The following C12orf56 variants were observed in gnomAD, a reference collection of about 807,000 sequenced individuals.
The protein encoded by C12orf56 is uncharacterized protein C12orf56.
In C12orf56, 71 loss-of-function variants were observed where a neutral mutation model predicts 69.9. That is an observed-to-expected ratio of 1.02 (90% CI 0.84 to 1.24). C12orf56 has a LOEUF of 1.24. C12orf56 is among the 50% of genes most tolerant of loss of function. The probability of loss-of-function intolerance (pLI) is 0.00; values close to 1 mark genes in which losing one functional copy is unlikely to be tolerated. For synonymous variants in C12orf56, 276 were observed against 274.1 expected, an observed-to-expected ratio of 1.01 and a Z score of -0.07; for missense variants, 732 against 738.5, an observed-to-expected ratio of 0.99 and a Z score of 0.10.
chr12:64,330,075 A>C (rs1251794803), intron 3 of C12orf56, among the ~76,000 whole-genome samples: 2 of 152,086 alleles, frequency 1.3e-5, no homozygotes, highest in African/African-American at 4.8e-5. Context: ...TGGTATTTCC[A>C]GTTCTAGATC....
At chr12:64,352,051 G>A (rs2039229999) in intron 2 of C12orf56, among the ~76,000 whole-genome samples, 1 of 151,802 alleles carries the variant, frequency 6.6e-6, no homozygotes, top group African/African-American at 2.4e-5. Flanking sequence ...GAGCCCAGAA[G>A]CCCAACATGC....
intron 1 of C12orf56, among the ~76,000 whole-genome samples, chr12:64,388,099 A>G (rs1229579792): frequency 1.3e-5 from 2 of 152,020 alleles, no homozygotes; most frequent in Non-Finnish European, 2.9e-5. Context: ...CCTCCTGAGC[A>G]GCTGAGATAA....
chr12:64,295,760 C>T (rs1179465755), intron 6 of C12orf56, among the ~76,000 whole-genome samples: 1 of 150,848 alleles, frequency 6.6e-6, no homozygotes, highest in Non-Finnish European at 1.5e-5. Flanking sequence ...AAAAGTATGC[C>T]TCAATAAAGT....
chr12:64,316,783 A>G (rs1005652653), intron 4 of C12orf56, among the ~76,000 whole-genome samples: 4 of 152,236 alleles, frequency 2.6e-5, no homozygotes, highest in African/African-American at 4.8e-5. Flanking sequence ...TAAAAATTAA[A>G]TAAGTTAATA....
At chr12:64,301,572 T>G (rs2038446580) in intron 6 of C12orf56, among the ~76,000 whole-genome samples, 1 of 152,194 alleles carries the variant, frequency 6.6e-6, no homozygotes, top group Non-Finnish European at 1.5e-5. Context: ...CTAATCTTAG[T>G]TATAGATTAA....
At chr12:64,318,353 A>G (rs1367806853) in intron 4 of C12orf56, among the ~76,000 whole-genome samples, 1 of 152,132 alleles carries the variant, frequency 6.6e-6, no homozygotes, top group Non-Finnish European at 1.5e-5. Context: ...ATGAGCCACC[A>G]TGCCCGTCCA....
At chr12:64,296,870 CTTTTT>C (rs71092950) in intron 6 of C12orf56, among the ~76,000 whole-genome samples, 1 of 131,114 alleles carries the variant, frequency 7.6e-6, no homozygotes, top group Non-Finnish European at 1.7e-5. Context: ...CCCTTCCACC[CTTTTT>C]TTTTTTTTTG....
rs550164503 is a variant in C12orf56 at position 64,285,775 on chromosome 12, G to A, written c.1220+179C>T. 2.6e-5 allele frequency among the ~76,000 whole-genome samples: 4 copies of A among 151,866 alleles called. No individual in the cohort carries two copies. The East Asian group carries it at 5.8e-4, about 22-fold the overall frequency. On this transcript the variant is annotated intron_variant, in intron 7 of 12. Coordinates refer to ENST00000543942, the MANE Select transcript of C12orf56 (RefSeq NM_001170633.2). ...TGCACTCCAGCCTGGGCAACAGAGC[G>A]AGACTCTGTCTCAAGAGAAAATAAA...
chr12:64,368,768 G>A (rs2039531675), intron 1 of C12orf56, among the ~76,000 whole-genome samples: 1 of 152,160 alleles, frequency 6.6e-6, no homozygotes, highest in African/African-American at 2.4e-5. Flanking sequence ...TAAACTAGCA[G>A]TCAGGAAATC....
At chr12:64,342,491 G>A (rs1188786860) in intron 2 of C12orf56, among the ~76,000 whole-genome samples, 2 of 152,240 alleles carry the variant, frequency 1.3e-5, no homozygotes, top group African/African-American at 4.8e-5. Flanking sequence ...CGTGAGGCCA[G>A]TGATACAGGC....
chr12:64,371,919 TTTTTTGCACGCACCACCACATGCAGCTAA>T (rs1328207762), intron 1 of C12orf56, among the ~76,000 whole-genome samples: 1 of 151,240 alleles, frequency 6.6e-6, no homozygotes, highest in Admixed American at 6.6e-5. Flanking sequence ...TTTTTTTTTT[TTTTTTGCACGCACCACCACATGCAGCTAA>T]TTTTTGTATT....
At chr12:64,361,135 C>T (rs1012880973) in intron 1 of C12orf56, among the ~76,000 whole-genome samples, 8 of 152,142 alleles carry the variant, frequency 5.3e-5, no homozygotes, top group Non-Finnish European at 7.4e-5. Flanking sequence ...AGGAGAATCG[C>T]TTGAACCCGG....
chr12:64,275,078 CT>C, intron 10 of C12orf56, 103 bp from the exon 11 acceptor site: 6 of 1,152,370 alleles, frequency 5.2e-6, no homozygotes, highest in Non-Finnish European at 6.2e-6. Flanking sequence ...TAATCGAATC[CT>C]TAAAATCAGT....
chr12:64,388,769 A>T (rs535880753), intron 1 of C12orf56, among the ~76,000 whole-genome samples: 9 of 152,138 alleles, frequency 5.9e-5, no homozygotes, highest in Non-Finnish European at 1.3e-4. Flanking sequence ...ATGTGGGAGG[A>T]TCGCTTGAGC....
intron 1 of C12orf56, among the ~76,000 whole-genome samples, chr12:64,382,248 C>A (rs1369297505): frequency 8.9e-6 from 1 of 111,936 alleles, no homozygotes; most frequent in Non-Finnish European, 1.7e-5. Flanking sequence ...GGCCACAGAA[C>A]GAGACTCTTG....
At chr12:64,286,225 TCTTA>T in intron 6 of C12orf56, 165 bp from the exon 7 acceptor site, 1 of 565,052 alleles carries the variant, frequency 1.8e-6, no homozygotes, top group Non-Finnish European at 3.1e-6. Context: ...GAAACATACT[TCTTA>T]CTTACACCCA....
chr12:64,328,288 A>G (rs188615589), intron 3 of C12orf56, among the ~76,000 whole-genome samples: 16 of 152,098 alleles, frequency 1.1e-4, no homozygotes, highest in Non-Finnish European at 1.5e-4. Context: ...TCCAATTCAT[A>G]TTAATTTTCC....
At chr12:64,335,145 G>C (rs769053485) in intron 2 of C12orf56, among the ~76,000 whole-genome samples, 2 of 152,116 alleles carry the variant, frequency 1.3e-5, no homozygotes, top group Non-Finnish European at 2.9e-5. Flanking sequence ...GGCCAGGCAT[G>C]GTGGCTCATG....
rs1277699875 is a variant in C12orf56 at position 64,318,697 on chromosome 12, C to G, written c.772G>C (p.Asp258His). The part of the protein sequence containing the change: ...NEFYLGNSLL[D>H]SPSQSNSNLE... ...TTTGAGTTGCTCTGTGAAGGGGAAT[C>G]TAAGAGGGAATTTCCTAAGTAAAAC... Residue 258 changes from aspartate to histidine, a missense_variant, in exon 4 of 13, where the codon GAT (aspartate) becomes CAT (histidine). By Grantham distance (81) the Asp-to-His change is moderately conservative (BLOSUM62 -1). Coordinates refer to ENST00000543942, the MANE Select transcript of C12orf56 (RefSeq NM_001170633.2). 6.5e-7 allele frequency: 1 copy of G among 1,537,176 alleles called. No homozygotes were observed.
Sources: allele counts gnomAD v4.1 joint callset (sites outside exome capture counted in the v4.1 genomes callset), GRCh38; gene constraint gnomAD v4.1.1; transcripts MANE v1.5; gene names NCBI Gene and HGNC (gene_info 2026-07-23, HGNC 2026-07-21).